The following ATP6V1G3 variants were observed in gnomAD, a reference collection of about 807,000 sequenced individuals.
ATP6V1G3 encodes the protein ATPase H+ transporting V1 subunit G3.
A neutral mutation model predicts 9.3 loss-of-function variants in ATP6V1G3; 9 were observed. The observed-to-expected ratio is 0.97, with a 90% CI of 0.59 to 1.69. The LOEUF is 1.69. ATP6V1G3 is among the 40% of genes most tolerant of loss of function. ATP6V1G3 has a pLI of 0.00. For missense variants in ATP6V1G3, 133 were observed against 139.0 expected (o/e 0.96, Z 0.22); for synonymous variants, 43 against 43.8 (o/e 0.98, Z 0.07).
In ATP6V1G3 at chr1:198,523,250, C is replaced by T. The variant is rs534514081; in HGVS notation, c.*141G>A. ...TATTTTGTTTTGTTTAATTCAGTGC[C>T]GATGTATGAGTTATGTCACATTTCC... On this transcript the variant is annotated 3_prime_UTR_variant, in exon 3 of 3. Transcript: ENST00000367382. 77 of 781,714 alleles carry T rather than the reference C, an allele frequency of 9.9e-5. No homozygotes were observed. Among genetic ancestry groups the T allele is most frequent in the African/African-American group, 4.8e-4 (27 of 56,524 alleles). 48.4% of individuals were successfully genotyped at this position (781,714 alleles called of 1,614,324 possible). A position where few individuals can be genotyped will look rare whatever the true frequency, so the allele number is the denominator to read the frequency against.
chr1:198,537,100 T>A (rs1414183191), intron 1 of ATP6V1G3, among the ~76,000 whole-genome samples: 1 of 152,152 alleles, frequency 6.6e-6, no homozygotes, highest in Non-Finnish European at 1.5e-5. Flanking sequence ...AGATTTCATC[T>A]CTCTCAGTAG....
In ATP6V1G3 at chr1:198,523,447, T is replaced by A. The variant is rs775784481; in HGVS notation, c.301A>T (p.Ser101Cys). The A allele has an allele frequency of 6.2e-7, 1 of 1,613,634 alleles. No homozygotes were observed. Among genetic ancestry groups the A allele is most frequent in the Non-Finnish European group, 8.5e-7 (1 of 1,179,782 alleles). The change falls in exon 3 of 3, where the codon AGC (serine) becomes TGC (cysteine). Residue 101 changes from serine to cysteine, a missense_variant. Physicochemically the swap from Ser to Cys is moderately radical, Grantham distance 112 (BLOSUM62 -1). Coordinates refer to ENST00000367382, the MANE Select transcript of ATP6V1G3 (RefSeq NM_001376861.1). ...YMESVMNQLL[S>C]MVCDMKPEIH... ...TCTGGTTTCATGTCACAGACCATGCTCAAGAGCTGGTTCATCACACTTTCC... is the reference window on the plus strand; with the variant it reads ...TCTGGTTTCATGTCACAGACCATGCACAAGAGCTGGTTCATCACACTTTCC...
chr1:198,527,965 C>T (rs1212739398), intron 2 of ATP6V1G3, among the ~76,000 whole-genome samples: 2 of 151,870 alleles, frequency 1.3e-5, no homozygotes, highest in African/African-American at 2.4e-5. Flanking sequence ...AATTGTAGGG[C>T]GTGAGAATGG....
chr1:198,532,578 A>T (rs144889665), intron 1 of ATP6V1G3, among the ~76,000 whole-genome samples: 290 of 152,268 alleles, frequency 1.9e-3, no homozygotes, highest in Non-Finnish European at 3.0e-3. Flanking sequence ...TATGACAGGG[A>T]TGATGGTGAA....
At chr1:198,525,667 T>C (rs927259149) in intron 2 of ATP6V1G3, among the ~76,000 whole-genome samples, 5 of 152,160 alleles carry the variant, frequency 3.3e-5, no homozygotes, top group African/African-American at 1.2e-4. Context: ...ATACAATCAA[T>C]ATAAAAATTA....
At chr1:198,529,208 AT>A in intron 1 of ATP6V1G3, 27 bp from the exon 2 acceptor site, 1 of 460,332 alleles carries the variant, frequency 2.2e-6, no homozygotes. Context: ...ATATATATAT[AT>A]ATATATAATT....
At position 198,529,080 on chromosome 1, in the gene ATP6V1G3, C is replaced by A; in HGVS notation, c.183+1G>T. 1 of 1,441,562 alleles carries A rather than the reference C, an allele frequency of 6.9e-7. No individual in the cohort carries two copies. Among genetic ancestry groups the A allele is most frequent in the South Asian group, 1.2e-5 (1 of 82,740 alleles). The allele number at this position is 1,441,562 out of a possible 1,614,324, so 89.3% of individuals were successfully genotyped here. On this transcript the variant is annotated splice_donor_variant, in intron 2 of 2. Coordinates refer to ENST00000367382, the MANE Select transcript of ATP6V1G3 (RefSeq NM_001376861.1). LOFTEE classifies it high-confidence loss of function. ...GAAACAGTGCTGACTTTCTTACTCACCTTAGATTGTTTTAGTCGAAACTCT... is the reference window on the plus strand; with the variant it reads ...GAAACAGTGCTGACTTTCTTACTCAACTTAGATTGTTTTAGTCGAAACTCT...
Position 198,523,580 on chromosome 1 carries a change from A to G in ATP6V1G3, c.184-16T>C, listed in dbSNP as rs1174236336. ...AGCCCATTATCTACCAAAACAAAACAGACAGAATTCACATCATAATACAAT... is the reference window on the plus strand; with the variant it reads ...AGCCCATTATCTACCAAAACAAAACGGACAGAATTCACATCATAATACAAT... On this transcript the variant is annotated splice_polypyrimidine_tract_variant and intron_variant, in intron 2 of 2. Transcript: ENST00000367382. 1 of 1,605,900 alleles carries G rather than the reference A, an allele frequency of 6.2e-7. No individual in the cohort carries two copies. Among genetic ancestry groups the G allele is most frequent in the South Asian group, 1.1e-5 (1 of 90,362 alleles).
intron 1 of ATP6V1G3, chr1:198,536,593 TA>T: frequency 2.5e-6 from 3 of 1,206,984 alleles, no homozygotes; most frequent in Non-Finnish European, 3.5e-6. Flanking sequence ...GTTTTGCACA[TA>T]AAAATGAGTG....
chr1:198,524,822 G>A (rs764513841), intron 2 of ATP6V1G3, among the ~76,000 whole-genome samples: 23 of 152,054 alleles, frequency 1.5e-4, no homozygotes, highest in Non-Finnish European at 2.2e-4. Flanking sequence ...TGCTTTTTCC[G>A]TCTGAGAGTG....
chr1:198,526,463 T>C (rs1659656093), intron 2 of ATP6V1G3, among the ~76,000 whole-genome samples: 1 of 152,142 alleles, frequency 6.6e-6, no homozygotes, highest in African/African-American at 2.4e-5. Flanking sequence ...TTTGGGAGAA[T>C]GTATAAGTTA....
intron 1 of ATP6V1G3, among the ~76,000 whole-genome samples, chr1:198,536,356 T>G (rs775304316): frequency 6.6e-6 from 1 of 152,210 alleles, no homozygotes; most frequent in Non-Finnish European, 1.5e-5. Context: ...AATGGTACTT[T>G]GAATTTCTAA....
Position 198,523,457 on chromosome 1 carries a change from G to GT in ATP6V1G3, c.290dup (p.Asn97LysfsTer9), listed in dbSNP as rs1558174109. The GT allele has an allele frequency of 6.2e-7, 1 of 1,613,484 alleles. No homozygotes were observed. Among genetic ancestry groups the GT allele is most frequent in the Admixed American group, 1.7e-5 (1 of 59,962 alleles). On this transcript the variant is annotated frameshift_variant, in exon 3 of 3. Transcript: ENST00000367382. LOFTEE classifies it high-confidence loss of function. ...TGTCACAGACCATGCTCAAGAGCTG[G>GT]TTCATCACACTTTCCATATACTTAT...
chr1:198,523,684 A>G (rs1163244344), intron 2 of ATP6V1G3, 120 bp from the exon 3 acceptor site: 1 of 900,380 alleles, frequency 1.1e-6, no homozygotes, highest in African/African-American at 1.7e-5. Context: ...CCTTTTCTAG[A>G]TTTTTTCAGA....
intron 2 of ATP6V1G3, among the ~76,000 whole-genome samples, chr1:198,525,630 T>G (rs1471397427): frequency 6.6e-6 from 1 of 152,140 alleles, no homozygotes; most frequent in African/African-American, 2.4e-5. Context: ...AGTAATATAT[T>G]TAATCTAATA....
intron 1 of ATP6V1G3, among the ~76,000 whole-genome samples, chr1:198,530,701 T>C (rs1210910678): frequency 6.6e-6 from 1 of 152,168 alleles, no homozygotes; most frequent in Non-Finnish European, 1.5e-5. Flanking sequence ...TTCTCTATAG[T>C]TGTAACCATT....
chr1:198,531,358 C>T (rs545389884), intron 1 of ATP6V1G3, among the ~76,000 whole-genome samples: 27 of 152,298 alleles, frequency 1.8e-4, no homozygotes, highest in African/African-American at 6.3e-4. Flanking sequence ...TAACCTCTAA[C>T]TTGCTTCTCT....
intron 1 of ATP6V1G3, among the ~76,000 whole-genome samples, chr1:198,532,871 G>A (rs1039729591): frequency 2.6e-5 from 4 of 152,154 alleles, no homozygotes; most frequent in African/African-American, 9.7e-5. Flanking sequence ...AATCATGAAT[G>A]TTAGGAGATG....
intron 1 of ATP6V1G3, among the ~76,000 whole-genome samples, chr1:198,533,570 T>A (rs75935157): frequency 0.01 from 1,566 of 152,270 alleles, 28 homozygotes; most frequent in African/African-American, 0.035. Context: ...AATACTGCAA[T>A]TTCGTTGATA....
Sources: gnomAD v4.1 joint callset for allele counts (sites outside exome capture counted in the v4.1 genomes callset) on GRCh38, gnomAD v4.1.1 for gene constraint, MANE v1.5 for transcripts, NCBI Gene and HGNC (gene_info 2026-07-23, HGNC 2026-07-21) for gene names.